Variants in MTDH observed in about 807,000 individuals in gnomAD.
The protein encoded by MTDH is protein LYRIC.
Under a neutral mutation model 72.7 loss-of-function variants are expected in MTDH, and 34 were observed. The observed-to-expected ratio is 0.47, with a 90% confidence interval of 0.36 to 0.62. The LOEUF is 0.62. Among genes scored for constraint, MTDH ranks in the 20% least tolerant of loss-of-function variants. The pLI, the probability that MTDH is intolerant of heterozygous loss-of-function variation, is 0.00. For missense variants in MTDH, 677 were observed against 699.4 expected (o/e 0.97, Z 0.36); for synonymous variants, 266 against 268.9 (o/e 0.99, Z 0.10).
chr8:97,718,640 C>T (rs1814979856), intron 9 of MTDH, among the ~76,000 whole-genome samples: 1 of 151,098 alleles, frequency 6.6e-6, no homozygotes, highest in South Asian at 2.1e-4. Context: ...CATACCTCCT[C>T]CTGAGTAGCT....
At chr8:97,720,037 A>G (rs1815043247) in intron 10 of MTDH, among the ~76,000 whole-genome samples, 1 of 152,208 alleles carries the variant, frequency 6.6e-6, no homozygotes, top group Admixed American at 6.6e-5. Context: ...CTGTAATCCC[A>G]GCACTTTGGG....
intron 6 of MTDH, among the ~76,000 whole-genome samples, chr8:97,693,034 G>C (rs375947932): frequency 6.6e-6 from 1 of 151,836 alleles, no homozygotes; most frequent in African/African-American, 2.4e-5. Context: ...ACCTGGCCAT[G>C]TTTTGCGGTT....
intron 2 of MTDH, among the ~76,000 whole-genome samples, chr8:97,681,231 C>G (rs529559541): frequency 2.6e-5 from 4 of 152,164 alleles, no homozygotes; most frequent in African/African-American, 9.6e-5. Context: ...GAGAAAAAAT[C>G]CACAGTCAGT....
rs557742129 is a variant in MTDH at position 97,645,516 on chromosome 8, C to G, written c.381+629C>G. ...GCAAGAGGGGGTCGGTTACCTAATA[C>G]GCTTTGAGGTGTATGGTCCTGTGAG... On this transcript the variant is annotated intron_variant, in intron 1 of 11. Coordinates refer to ENST00000336273, the MANE Select transcript of MTDH (RefSeq NM_178812.4). Among the ~76,000 whole-genome samples the G allele has an allele frequency of 4.6e-5, 7 of 152,286 alleles. No individual in the cohort carries two copies. The South Asian group carries it at 1.5e-3, about 32-fold the overall frequency.
chr8:97,688,579 T>C (rs564585412), intron 4 of MTDH, among the ~76,000 whole-genome samples: 19 of 152,310 alleles, frequency 1.2e-4, no homozygotes, highest in African/African-American at 3.6e-4. Flanking sequence ...TGTTATAATG[T>C]GTATTCTCAC....
chr8:97,725,128 C>G lies in MTDH; in HGVS notation c.*458C>G, dbSNP rs1815305567. On this transcript the variant is annotated 3_prime_UTR_variant, in exon 12 of 12. Transcript: ENST00000336273. ...CAAAGTGCTTTGATCAAATGCATAACCTGCCATATCTTTACATATTTGTTG... is the reference window on the plus strand; with the variant it reads ...CAAAGTGCTTTGATCAAATGCATAAGCTGCCATATCTTTACATATTTGTTG... 1 of 152,652 alleles carries G rather than the reference C, an allele frequency of 6.6e-6. No homozygotes were observed. Among genetic ancestry groups the G allele is most frequent in the African/African-American group, 2.4e-5 (1 of 41,452 alleles). The allele number at this position is 152,652 out of a possible 1,614,324, so 9.5% of individuals were successfully genotyped here.
chr8:97,712,111 C>G (rs1353305996), intron 8 of MTDH, among the ~76,000 whole-genome samples: 1 of 152,194 alleles, frequency 6.6e-6, no homozygotes, highest in Non-Finnish European at 1.5e-5. Flanking sequence ...GATCTCGGCT[C>G]ACTGCAACCT....
rs560841256 is a variant in MTDH, at chr8:97,647,966, G to A, written c.381+3079G>A. On this transcript the variant is annotated intron_variant, in intron 1 of 11. Transcript: ENST00000336273. Reference sequence around the variant, plus strand: ...CTCCTAAAAGAAAAAAAAAAAAAAAGCTTGTAGATTCCTGATCTCTGATCT... The same window carrying A: ...CTCCTAAAAGAAAAAAAAAAAAAAAACTTGTAGATTCCTGATCTCTGATCT... Among the ~76,000 whole-genome samples the A allele has an allele frequency of 5.4e-3, 811 of 150,184 alleles. 5 individuals carry two copies. The highest frequency in any genetic ancestry group is 0.017 in the African/African-American group (716 of 40,942).
chr8:97,722,781 T>A, intron 10 of MTDH, 98 bp from the exon 11 acceptor site: 1 of 1,237,584 alleles, frequency 8.1e-7, no homozygotes, highest in Non-Finnish European at 1.1e-6. Context: ...CATATTAGTA[T>A]TGAATTGCTG....
chr8:97,675,917 A>G (rs1359962771), intron 2 of MTDH, among the ~76,000 whole-genome samples: 1 of 150,452 alleles, frequency 6.6e-6, no homozygotes, highest in Non-Finnish European at 1.5e-5. Context: ...CCTACCTTGT[A>G]TAAATGGCTA....
intron 2 of MTDH, among the ~76,000 whole-genome samples, chr8:97,670,838 C>T (rs764318606): frequency 6.6e-6 from 1 of 151,958 alleles, no homozygotes; most frequent in Admixed American, 6.6e-5. Context: ...GTCACTGCAA[C>T]CTCCGCCACC....
intron 2 of MTDH, among the ~76,000 whole-genome samples, chr8:97,667,133 G>A (rs1037923254): frequency 1.3e-5 from 2 of 152,188 alleles, no homozygotes; most frequent in African/African-American, 4.8e-5. Flanking sequence ...TGGGACTGCA[G>A]ATGCACACTA....
At chr8:97,649,795 G>A (rs932913220) in intron 1 of MTDH, among the ~76,000 whole-genome samples, 12 of 152,108 alleles carry the variant, frequency 7.9e-5, no homozygotes, top group Non-Finnish European at 1.6e-4. Context: ...TAGAGATGGA[G>A]TTTCACCATG....
chr8:97,674,510 G>T (rs376235352), intron 2 of MTDH, among the ~76,000 whole-genome samples: 39 of 152,258 alleles, frequency 2.6e-4, no homozygotes, highest in African/African-American at 8.4e-4. Flanking sequence ...TGCCCAGTTT[G>T]TATATATATT....
chr8:97,710,693 A>G (rs1368621904), intron 8 of MTDH, among the ~76,000 whole-genome samples: 1 of 148,076 alleles, frequency 6.8e-6, no homozygotes, highest in East Asian at 2.0e-4. Context: ...CAAAAAAAAA[A>G]AAAAAAAAAA....
chr8:97,646,664 G>C (rs1160959145), intron 1 of MTDH, among the ~76,000 whole-genome samples: 1 of 152,184 alleles, frequency 6.6e-6, no homozygotes, highest in African/African-American at 2.4e-5. Flanking sequence ...AGATTCCGGC[G>C]AATGCTTATA....
Position 97,727,904 on chromosome 8 carries a change from A to G in MTDH, c.*3234A>G, listed in dbSNP as rs1332916184. ...AAAAAAAAGTATTAAAATGTGATTG[A>G]TGTAATTTACCATGTTTACTTTATG... On this transcript the variant is annotated 3_prime_UTR_variant, in exon 12 of 12. Coordinates refer to ENST00000336273, the MANE Select transcript of MTDH (RefSeq NM_178812.4). The G allele has an allele frequency of 6.6e-6, 1 of 152,128 alleles. No homozygotes were observed. The highest frequency in any genetic ancestry group is 1.5e-5 in the Non-Finnish European group (1 of 68,028). 9.4% of individuals were successfully genotyped at this position (152,128 alleles called of 1,614,324 possible). A position where few individuals can be genotyped will look rare whatever the true frequency, so the allele number is the denominator to read the frequency against.
At chr8:97,648,795 G>A (rs1188470766) in intron 1 of MTDH, among the ~76,000 whole-genome samples, 1 of 152,202 alleles carries the variant, frequency 6.6e-6, no homozygotes, top group African/African-American at 2.4e-5. Context: ...CTACCAGATA[G>A]CCTTGCACAG....
chr8:97,663,749 A>C (rs996574812), intron 2 of MTDH, among the ~76,000 whole-genome samples: 2 of 59,206 alleles, frequency 3.4e-5, no homozygotes, highest in East Asian at 1.2e-3. Flanking sequence ...ACTCTGTCTC[A>C]AAAAAAAAAA....
Sources: gnomAD v4.1 joint callset for allele counts (sites outside exome capture counted in the v4.1 genomes callset) on GRCh38, gnomAD v4.1.1 for gene constraint, MANE v1.5 for transcripts, NCBI Gene and HGNC (gene_info 2026-07-23, HGNC 2026-07-21) for gene names.